CSNK1G3: variants seen among roughly 807,000 people sequenced by gnomAD.
The protein encoded by CSNK1G3 is casein kinase I isoform gamma-3.
In CSNK1G3, 23 loss-of-function variants were observed where a neutral mutation model predicts 64.3. The ratio of observed to expected loss-of-function variants is 0.36; its 90% CI spans 0.26 to 0.51. The LOEUF (loss-of-function observed/expected upper bound fraction) is 0.51. Among genes scored for constraint, CSNK1G3 ranks in the 20% least tolerant of loss-of-function variants. The pLI is 0.96. For synonymous variants in CSNK1G3, 158 were observed against 162.2 expected (o/e 0.97, Z 0.20); for missense variants, 357 against 510.5 (o/e 0.70, Z 2.90).
At chr5:123,541,051 G>C (rs1270363775) in intron 1 of CSNK1G3, among the ~76,000 whole-genome samples, 1 of 152,038 alleles carries the variant, frequency 6.6e-6, no homozygotes, top group Admixed American at 6.5e-5. Context: ...TTATTTTGCG[G>C]TATTTTATAC....
chr5:123,605,698 A>C (rs1795244477), intron 12 of CSNK1G3, among the ~76,000 whole-genome samples: 1 of 152,172 alleles, frequency 6.6e-6, no homozygotes, highest in South Asian at 2.1e-4. Flanking sequence ...AGATTTTTGC[A>C]TTAAGCTTTC....
chr5:123,587,128 A>G (rs1791475106), intron 6 of CSNK1G3, among the ~76,000 whole-genome samples: 1 of 152,208 alleles, frequency 6.6e-6, no homozygotes, highest in African/African-American at 2.4e-5. Context: ...ATCAACAAGT[A>G]TAGAATGTTT....
intron 1 of CSNK1G3, among the ~76,000 whole-genome samples, chr5:123,541,621 A>G (rs948927366): frequency 3.3e-5 from 5 of 151,962 alleles, no homozygotes; most frequent in Non-Finnish European, 5.9e-5. Context: ...TATTAGAGGC[A>G]GGCTCTCACC....
intron 10 of CSNK1G3, among the ~76,000 whole-genome samples, chr5:123,603,938 T>G (rs1285899042): frequency 6.6e-6 from 1 of 152,108 alleles, no homozygotes; most frequent in African/African-American, 2.4e-5. Flanking sequence ...TGGAGAGTTT[T>G]AAGCAGAGAG....
At chr5:123,607,286 A>G (rs1795521064) in intron 12 of CSNK1G3, among the ~76,000 whole-genome samples, 2 of 152,120 alleles carry the variant, frequency 1.3e-5, no homozygotes, top group South Asian at 2.1e-4. Context: ...TGCATTTGCT[A>G]TGTTATCCTC....
intron 4 of CSNK1G3, among the ~76,000 whole-genome samples, chr5:123,572,674 C>T (rs918339948): frequency 6.6e-6 from 1 of 152,182 alleles, no homozygotes; most frequent in Non-Finnish European, 1.5e-5. Context: ...CTCAAGGATT[C>T]CTATCTGGCA....
chr5:123,559,481 A>C (rs1382086796), intron 4 of CSNK1G3, among the ~76,000 whole-genome samples: 1 of 152,182 alleles, frequency 6.6e-6, no homozygotes, highest in Non-Finnish European at 1.5e-5. Context: ...CTTGTATGCC[A>C]TAGGACTGCA....
chr5:123,596,996 A>T (rs943102169), intron 10 of CSNK1G3, among the ~76,000 whole-genome samples: 1 of 151,070 alleles, frequency 6.6e-6, no homozygotes, highest in Non-Finnish European at 1.5e-5. Flanking sequence ...AATTGGACTA[A>T]TGAAATTATA....
At chr5:123,553,119 A>G in exon 3 of CSNK1G3, 1 of 1,401,098 alleles carries the variant, frequency 7.1e-7, no homozygotes, top group Non-Finnish European at 9.6e-7. Context: ...AAAAATTTAT[A>G]CACAAATGAA....
chr5:123,532,620 C>G (rs1267822625), intron 1 of CSNK1G3, among the ~76,000 whole-genome samples: 1 of 151,738 alleles, frequency 6.6e-6, no homozygotes, highest in East Asian at 1.9e-4. Context: ...ACAGCTGTCT[C>G]CACTATTATT....
At chr5:123,568,216 A>G (rs1787318530) in intron 4 of CSNK1G3, among the ~76,000 whole-genome samples, 1 of 152,182 alleles carries the variant, frequency 6.6e-6, no homozygotes, top group Non-Finnish European at 1.5e-5. Context: ...TGCTGAGGAT[A>G]CTTCTCAGAT....
At chr5:123,610,840 G>A (rs1047434874) in intron 12 of CSNK1G3, among the ~76,000 whole-genome samples, 1 of 152,100 alleles carries the variant, frequency 6.6e-6, no homozygotes, top group Non-Finnish European at 1.5e-5. Context: ...AAATTTACCA[G>A]CTCGGCGCCT....
chr5:123,600,948 T>G (rs1794396755), intron 10 of CSNK1G3, among the ~76,000 whole-genome samples: 2 of 151,874 alleles, frequency 1.3e-5, no homozygotes, highest in South Asian at 4.1e-4. Flanking sequence ...GTATTAAGTT[T>G]CCTGTCAAAT....
intron 4 of CSNK1G3, among the ~76,000 whole-genome samples, chr5:123,561,953 C>G (rs1348716446): frequency 6.6e-6 from 1 of 152,104 alleles, no homozygotes; most frequent in African/African-American, 2.4e-5. Flanking sequence ...CTTCCAGTCC[C>G]CATTGTTACT....
intron 5 of CSNK1G3, among the ~76,000 whole-genome samples, chr5:123,574,451 G>A (rs148958835): frequency 7.2e-5 from 11 of 152,252 alleles, no homozygotes; most frequent in African/African-American, 2.6e-4. Flanking sequence ...ACCCAAATAT[G>A]CAGAAATAAC....
At chr5:123,540,744 T>C (rs1781548732) in intron 1 of CSNK1G3, among the ~76,000 whole-genome samples, 1 of 152,198 alleles carries the variant, frequency 6.6e-6, no homozygotes, top group Admixed American at 6.5e-5. Context: ...TCGATTTTGC[T>C]GCCTCAGCCT....
At chr5:123,539,553 A>C (rs1034106658) in intron 1 of CSNK1G3, among the ~76,000 whole-genome samples, 1 of 151,034 alleles carries the variant, frequency 6.6e-6, no homozygotes, top group African/African-American at 2.4e-5. Context: ...ACTCTGTTTG[A>C]TTATTATTTG....
intron 1 of CSNK1G3, among the ~76,000 whole-genome samples, chr5:123,513,842 A>G (rs1023207979): frequency 1.3e-5 from 2 of 152,112 alleles, no homozygotes; most frequent in Non-Finnish European, 2.9e-5. Flanking sequence ...TTAAGAAAAT[A>G]TTTTTCACCA....
intron 1 of CSNK1G3, among the ~76,000 whole-genome samples, chr5:123,535,774 C>G (rs1216339760): frequency 6.6e-6 from 1 of 152,070 alleles, no homozygotes; most frequent in African/African-American, 2.4e-5. Flanking sequence ...TCTGTTTTCT[C>G]AATGGATTGC....
Sources: allele counts gnomAD v4.1 joint callset (sites outside exome capture counted in the v4.1 genomes callset), GRCh38; gene constraint gnomAD v4.1.1; transcripts MANE v1.5; gene names NCBI Gene and HGNC (gene_info 2026-07-23, HGNC 2026-07-21).